MAP3K13: variants seen among roughly 807,000 people sequenced by gnomAD.
MAP3K13 encodes mitogen-activated protein kinase kinase kinase 13.
In MAP3K13, 52 loss-of-function variants were observed where a neutral mutation model predicts 104.0. That is an observed-to-expected ratio of 0.50 (90% CI 0.40 to 0.63). The LOEUF is 0.63. MAP3K13 is among the 20% of genes least tolerant of loss of function. The probability of loss-of-function intolerance (pLI) is 0.00; values close to 1 mark genes in which losing one functional copy is unlikely to be tolerated. For synonymous variants in MAP3K13, 394 were observed against 442.2 expected (o/e 0.89, Z 1.37); for missense variants, 914 against 1,218.5 (o/e 0.75, Z 3.72).
At chr3:185,467,781 CAAAAAAAAAAA>C (rs1170149474) in intron 10 of MAP3K13, among the ~76,000 whole-genome samples, 1 of 58,268 alleles carries the variant, frequency 1.7e-5, no homozygotes, top group African/African-American at 5.8e-5. Context: ...GACTCTGTCT[CAAAAAAAAAAA>C]AAAAAAAGAA....
chr3:185,376,836 G>C (rs1444340702), intron 1 of MAP3K13, among the ~76,000 whole-genome samples: 2 of 152,070 alleles, frequency 1.3e-5, no homozygotes, highest in South Asian at 4.1e-4. Flanking sequence ...GAATTATGTC[G>C]AGATAGGTAA....
At chr3:185,378,855 T>G (rs1289346618) in intron 1 of MAP3K13, among the ~76,000 whole-genome samples, 2 of 152,158 alleles carry the variant, frequency 1.3e-5, no homozygotes. Flanking sequence ...AAATCAAAAG[T>G]GCCATTTTCT....
At chr3:185,429,668 G>T (rs1034074937) in intron 2 of MAP3K13, among the ~76,000 whole-genome samples, 1 of 152,012 alleles carries the variant, frequency 6.6e-6, no homozygotes, top group African/African-American at 2.4e-5. Flanking sequence ...AAAGTTTACT[G>T]ATAACTTATA....
At chr3:185,458,284 C>T (rs1716883166) in intron 7 of MAP3K13, among the ~76,000 whole-genome samples, 1 of 150,482 alleles carries the variant, frequency 6.6e-6, no homozygotes, top group African/African-American at 2.5e-5. Flanking sequence ...ACAAGAATCG[C>T]TTGAACCCAG....
intron 1 of MAP3K13, among the ~76,000 whole-genome samples, chr3:185,372,400 A>G (rs1265407677): frequency 1.3e-5 from 2 of 152,218 alleles, no homozygotes; most frequent in African/African-American, 4.8e-5. Context: ...GCTTGTGTTA[A>G]TGATTGAAGC....
At chr3:185,417,607 T>C in intron 1 of MAP3K13, 2 of 1,611,858 alleles carry the variant, frequency 1.2e-6, no homozygotes, top group Non-Finnish European at 1.7e-6. Context: ...CTTCTTCTGC[T>C]TCTTAACACC....
At chr3:185,389,686 G>T (rs1490530763) in intron 1 of MAP3K13, among the ~76,000 whole-genome samples, 2 of 150,810 alleles carry the variant, frequency 1.3e-5, no homozygotes, top group Non-Finnish European at 2.9e-5. Context: ...CAAACTTTTT[G>T]GTTTCAGGAC....
intron 7 of MAP3K13, among the ~76,000 whole-genome samples, chr3:185,455,799 G>GAGATATATATATGAT (rs1560120867): frequency 1.9e-5 from 1 of 52,444 alleles, no homozygotes; most frequent in African/African-American, 8.9e-5. Context: ...ATATATATGA[G>GAGATATATATATGAT]ATATATGAGA....
At chr3:185,362,644 T>C (rs1332335879), upstream of MAP3K13, among the ~76,000 whole-genome samples, 1 of 152,104 alleles carries the variant, frequency 6.6e-6, no homozygotes, top group Non-Finnish European at 1.5e-5. Context: ...CCGACAATTT[T>C]GCTTTTACAA....
intron 2 of MAP3K13, among the ~76,000 whole-genome samples, chr3:185,328,173 A>G (rs9875444): frequency 0.78 from 118,469 of 152,028 alleles, 46,674 homozygotes; most frequent in Non-Finnish European, 0.84. Context: ...ATGTCAGAAA[A>G]TACTACGTTT....
At chr3:185,442,674 C>T (rs752577662) in intron 3 of MAP3K13, among the ~76,000 whole-genome samples, 2 of 151,588 alleles carry the variant, frequency 1.3e-5, no homozygotes, top group Non-Finnish European at 2.9e-5. Context: ...GCTGGCATTA[C>T]AGGCATGCAC....
At chr3:185,328,905 G>A (rs1722138108) in intron 2 of MAP3K13, 1 of 291,646 alleles carries the variant, frequency 3.4e-6, no homozygotes, top group African/African-American at 2.1e-5. Context: ...AGTTTAGTCT[G>A]TGAGGAAACT....
intron 1 of MAP3K13, among the ~76,000 whole-genome samples, chr3:185,388,271 G>A (rs1050644857): frequency 1.3e-5 from 2 of 152,132 alleles, no homozygotes; most frequent in Non-Finnish European, 2.9e-5. Context: ...GGAGGCTGAG[G>A]CAGGTGGATC....
intron 7 of MAP3K13, among the ~76,000 whole-genome samples, chr3:185,453,656 C>A (rs1358200580): frequency 1.3e-5 from 2 of 151,348 alleles, no homozygotes; most frequent in Admixed American, 6.6e-5. Context: ...GTAGTCCCAG[C>A]TACTCAGGAG....
intron 7 of MAP3K13, among the ~76,000 whole-genome samples, chr3:185,459,746 G>A (rs923057167): frequency 2.0e-5 from 3 of 152,020 alleles, no homozygotes; most frequent in East Asian, 1.9e-4. Context: ...CACTCCACCC[G>A]GCCGATTTTA....
At chr3:185,455,680 A>ATATATATGAGATATATATAT (rs1716612614) in intron 7 of MAP3K13, among the ~76,000 whole-genome samples, 5 of 11,952 alleles carry the variant, frequency 4.2e-4, no homozygotes, top group South Asian at 3.2e-3. Context: ...TATATATATG[A>ATATATATGAGATATATATAT]GATATATATA....
At chr3:185,345,599 CAT>C (rs1379933909) in intron 2 of MAP3K13, among the ~76,000 whole-genome samples, 8 of 152,150 alleles carry the variant, frequency 5.3e-5, no homozygotes, top group African/African-American at 1.9e-4. Flanking sequence ...GTGAACTGCA[CAT>C]GTGACAGATC....
At chr3:185,414,331 A>C (rs1465926) in intron 1 of MAP3K13, among the ~76,000 whole-genome samples, 24,059 of 152,206 alleles carry the variant, frequency 0.16, 1,998 homozygotes, top group African/African-American at 0.22. Flanking sequence ...AAAAAATTGA[A>C]TTCCACCATA....
intron 10 of MAP3K13, among the ~76,000 whole-genome samples, chr3:185,469,134 T>C (rs1032848453): frequency 2.0e-5 from 3 of 152,154 alleles, no homozygotes; most frequent in Admixed American, 6.5e-5. Context: ...GATTACCTAG[T>C]GAGAAGTCTG....
Sources: allele counts gnomAD v4.1 joint callset (sites outside exome capture counted in the v4.1 genomes callset), GRCh38; gene constraint gnomAD v4.1.1; transcripts MANE v1.5; gene names NCBI Gene and HGNC (gene_info 2026-07-23, HGNC 2026-07-21).